The following L3MBTL4 variants were observed in gnomAD, a reference collection of about 807,000 sequenced individuals.
The protein encoded by L3MBTL4 is L3MBTL histone methyl-lysine binding protein 4.
A neutral mutation model predicts 84.5 loss-of-function variants in L3MBTL4; 70 were observed. That is an observed-to-expected ratio of 0.83 (90% CI 0.68 to 1.01). The LOEUF (loss-of-function observed/expected upper bound fraction) is 1.01. Among genes scored for constraint, L3MBTL4 ranks in the 50% least tolerant of loss-of-function variants. L3MBTL4 has a pLI of 0.00. For missense variants in L3MBTL4, 715 were observed against 754.8 expected (o/e 0.95, Z 0.62); for synonymous variants, 274 against 259.8 (o/e 1.05, Z -0.52).
chr18:5,960,386 T>C (rs895418209), intron 17 of L3MBTL4, among the ~76,000 whole-genome samples: 5 of 152,214 alleles, frequency 3.3e-5, no homozygotes, highest in African/African-American at 9.6e-5. Flanking sequence ...ATGGTTATAA[T>C]GACGACAGTA....
intron 18 of L3MBTL4, among the ~76,000 whole-genome samples, chr18:5,959,880 G>T (rs2095253622): frequency 6.6e-6 from 1 of 151,884 alleles, no homozygotes; most frequent in Non-Finnish European, 1.5e-5. Flanking sequence ...GACCCAGCTT[G>T]GTCTCACACT....
At position 6,355,416 on chromosome 18, in the gene L3MBTL4, C is replaced by CA. The variant is rs142077562; in HGVS notation, c.-90-43361dup. Among the ~76,000 whole-genome samples, 1,084 of 151,748 alleles carry CA rather than the reference C, an allele frequency of 7.1e-3. 21 individuals are homozygous for CA. The highest frequency in any genetic ancestry group is 0.025 in the African/African-American group (1,042 of 41,372). ...TTCAATAATACTATGATAAGGCAAGCATATTTGTTGATTTTTTTTTTTCTT... is the reference window on the plus strand; with the variant it reads ...TTCAATAATACTATGATAAGGCAAGCAATATTTGTTGATTTTTTTTTTTCTT... On this transcript the variant is annotated intron_variant, in intron 1 of 18. Transcript: ENST00000317931.
chr18:6,007,237 A>G (rs1363417229), intron 16 of L3MBTL4, among the ~76,000 whole-genome samples: 1 of 152,120 alleles, frequency 6.6e-6, no homozygotes, highest in Non-Finnish European at 1.5e-5. Context: ...TAAAGCATAA[A>G]GATAAAGAGC....
chr18:6,163,272 GGT>G (rs71163264), intron 13 of L3MBTL4, among the ~76,000 whole-genome samples: 3 of 94,886 alleles, frequency 3.2e-5, no homozygotes, highest in East Asian at 4.1e-4. Context: ...GGGGGGGGTG[GGT>G]GTGTGTGTGT....
chr18:6,306,416 AT>A (rs1296718718), intron 3 of L3MBTL4, among the ~76,000 whole-genome samples: 1 of 152,234 alleles, frequency 6.6e-6, no homozygotes, highest in Non-Finnish European at 1.5e-5. Flanking sequence ...AAAGCAAAAA[AT>A]ATAACAAAGC....
At chr18:6,196,210 T>G (rs1225959504) in intron 12 of L3MBTL4, among the ~76,000 whole-genome samples, 1 of 147,242 alleles carries the variant, frequency 6.8e-6, no homozygotes, top group Admixed American at 6.8e-5. Context: ...CAGGCTGTAC[T>G]GCAGTGGCAT....
chr18:6,173,771 C>T (rs1046010370), intron 12 of L3MBTL4, among the ~76,000 whole-genome samples: 1 of 152,060 alleles, frequency 6.6e-6, no homozygotes, highest in Non-Finnish European at 1.5e-5. Flanking sequence ...CACAGCAAGA[C>T]CCTGTCTCAA....
chr18:6,031,066 A>G, intron 16 of L3MBTL4: 1 of 985,410 alleles, frequency 1.0e-6, no homozygotes, highest in Non-Finnish European at 1.2e-6. Flanking sequence ...AACACTTAAT[A>G]CATCCAATTA....
At chr18:6,040,654 A>G (rs997383165) in intron 16 of L3MBTL4, among the ~76,000 whole-genome samples, 1 of 152,206 alleles carries the variant, frequency 6.6e-6, no homozygotes, top group Non-Finnish European at 1.5e-5. Context: ...CTTTTGAGAC[A>G]AGGAGTCCTT....
intron 16 of L3MBTL4, 54 bp from the exon 17 acceptor site, chr18:5,969,616 C>A (rs1201575806): frequency 6.5e-7 from 1 of 1,535,496 alleles, no homozygotes; most frequent in East Asian, 2.3e-5. Flanking sequence ...GCAAGCACTG[C>A]TGTGTCAGCC....
At chr18:6,183,792 T>G (rs1225795461) in intron 12 of L3MBTL4, among the ~76,000 whole-genome samples, 2 of 152,196 alleles carry the variant, frequency 1.3e-5, no homozygotes, top group South Asian at 2.1e-4. Context: ...GGACTAACCA[T>G]GTAATCCAGG....
chr18:6,322,162 G>C (rs1229497205), intron 1 of L3MBTL4, among the ~76,000 whole-genome samples: 3 of 151,928 alleles, frequency 2.0e-5, no homozygotes, highest in African/African-American at 7.3e-5. Flanking sequence ...TTCAAGACCA[G>C]CGTGGGCAAC....
chr18:6,173,765 G>T (rs2044091281), intron 12 of L3MBTL4, among the ~76,000 whole-genome samples: 1 of 152,148 alleles, frequency 6.6e-6, no homozygotes, highest in South Asian at 2.1e-4. Context: ...GGACGGCACA[G>T]CAAGACCCTG....
intron 3 of L3MBTL4, among the ~76,000 whole-genome samples, chr18:6,308,599 T>G (rs11662091): frequency 0.19 from 28,772 of 152,142 alleles, 2,854 homozygotes; most frequent in African/African-American, 0.23. Flanking sequence ...TGAAATACTA[T>G]GCAGCACTGA....
At chr18:6,155,568 T>C (rs2043067478) in intron 13 of L3MBTL4, among the ~76,000 whole-genome samples, 1 of 152,236 alleles carries the variant, frequency 6.6e-6, no homozygotes, top group Non-Finnish European at 1.5e-5. Flanking sequence ...CCTCTAATTA[T>C]GGTAAACTTA....
chr18:6,222,635 G>A (rs181995118), intron 10 of L3MBTL4, among the ~76,000 whole-genome samples: 200 of 152,106 alleles, frequency 1.3e-3, no homozygotes, highest in Admixed American at 7.1e-3. Context: ...TTCTCTAACC[G>A]TATCATATTC....
intron 1 of L3MBTL4, among the ~76,000 whole-genome samples, chr18:6,335,452 T>G (rs1411613677): frequency 6.6e-6 from 1 of 152,190 alleles, no homozygotes; most frequent in African/African-American, 2.4e-5. Context: ...ATATGGGTAT[T>G]AGAGTGTCAT....
At chr18:6,307,453 A>G (rs899837450) in intron 3 of L3MBTL4, among the ~76,000 whole-genome samples, 1 of 144,050 alleles carries the variant, frequency 6.9e-6, no homozygotes, top group African/African-American at 2.6e-5. Context: ...AAAAAAAAAA[A>G]GTTATATTCT....
intron 12 of L3MBTL4, among the ~76,000 whole-genome samples, chr18:6,207,454 G>C (rs959010724): frequency 2.6e-5 from 4 of 152,136 alleles, no homozygotes; most frequent in African/African-American, 9.7e-5. Flanking sequence ...TAAGAAAATG[G>C]GAAGCAAGGA....
Sources: gnomAD v4.1 joint callset for allele counts (sites outside exome capture counted in the v4.1 genomes callset) on GRCh38, gnomAD v4.1.1 for gene constraint, MANE v1.5 for transcripts, NCBI Gene and HGNC (gene_info 2026-07-23, HGNC 2026-07-21) for gene names.